The following ATN1 variants were observed in gnomAD, a reference collection of about 807,000 sequenced individuals.
The protein encoded by ATN1 is atrophin-1.
In ATN1, 19 loss-of-function variants were observed where a neutral mutation model predicts 85.8. That is an observed-to-expected ratio of 0.22 (90% CI 0.15 to 0.32). The LOEUF (loss-of-function observed/expected upper bound fraction) is 0.32. ATN1 is among the 10% of genes least tolerant of loss of function. ATN1 has a pLI of 1.00. For missense variants in ATN1, 1,453 were observed against 1,564.5 expected, an observed-to-expected ratio of 0.93 and a Z score of 1.20; for synonymous variants, 674 against 657.0, an observed-to-expected ratio of 1.03 and a Z score of -0.39.
chr12:6,937,524 G>T lies in ATN1; in HGVS notation c.2257G>T (p.Val753Leu), dbSNP rs1945566267. 3 of 1,534,908 alleles carry T rather than the reference G, an allele frequency of 2.0e-6. No individual in the cohort carries two copies. The highest frequency in any genetic ancestry group is 2.6e-6 in the Non-Finnish European group (3 of 1,142,196). The change falls in exon 5 of 10, where the codon GTG (valine) becomes TTG (leucine). Residue 753 changes from valine to leucine, a missense_variant. Physicochemically the swap from Val to Leu is conservative, Grantham distance 32 (BLOSUM62 1). Transcript: ENST00000396684. This position sits in a 1 kb window ranked among gnomAD's most constrained non-coding sequence, Gnocchi z 6.0. ...PARSPSPPPK[V>L]VDVPSHASQS... ...CCGCAGCCCCTCGCCCCCTCCCAAG[G>T]TGGTAGATGTACCCAGCCATGCCAG...
chr12:6,937,759 T>A lies in ATN1; in HGVS notation c.2295-86T>A. The A allele has an allele frequency of 6.8e-7, 1 of 1,464,892 alleles. No homozygotes were observed. The highest frequency in any genetic ancestry group is 9.0e-7 in the Non-Finnish European group (1 of 1,110,552). The allele number at this position is 1,464,892 out of a possible 1,614,324, so 90.7% of individuals were successfully genotyped here. On this transcript the variant is annotated intron_variant, in intron 5 of 9. Coordinates refer to ENST00000396684, the MANE Select transcript of ATN1 (RefSeq NM_001940.4). This position sits in a 1 kb window ranked among gnomAD's most constrained non-coding sequence, Gnocchi z 6.0. ...GCAGGGGTGGTTTTGAGGCGGGGGC[T>A]ACAAGCACTCGCCGGGGCCGCGGCG... is the stretch of plus-strand genomic sequence containing the variant.
chr12:6,936,838 C>T lies in ATN1; in HGVS notation c.1571C>T (p.Ser524Phe), dbSNP rs1555143817. Residue 524 changes from serine to phenylalanine, a missense_variant, in exon 5 of 10, where the codon TCC becomes TTC. By Grantham distance (155) the Ser-to-Phe change is radical. Coordinates refer to ENST00000396684, the MANE Select transcript of ATN1 (RefSeq NM_001940.4). Reference protein sequence around the residue: ...AFPHPLEGGSSHHAHPYAMSP... With the variant: ...AFPHPLEGGSFHHAHPYAMSP... ...CCCCACCCACTGGAGGGCGGTAGCT[C>T]CCACCACGCACACCCTTACGCCATG... 1.2e-6 allele frequency: 2 copies of T among 1,614,000 alleles called. No homozygotes were observed. The highest frequency in any genetic ancestry group is 1.7e-5 in the Admixed American group (1 of 60,020).
At position 6,937,842 on chromosome 12, in the gene ATN1, C is replaced by T. The variant is rs782625945; in HGVS notation, c.2295-3C>T. 5 of 1,556,302 alleles carry T rather than the reference C, an allele frequency of 3.2e-6. No individual in the cohort carries two copies. Among genetic ancestry groups the T allele is most frequent in the Admixed American group, 1.9e-5 (1 of 51,286 alleles). On this transcript the variant is annotated splice_polypyrimidine_tract_variant and splice_region_variant and intron_variant, in intron 5 of 9. Coordinates refer to ENST00000396684, the MANE Select transcript of ATN1 (RefSeq NM_001940.4). The surrounding 1 kb of genome is among the most constrained non-coding windows in gnomAD (Gnocchi z 6.0). ...GAGCGCCCGCTGCTTCCACGCCCGGCAGGTTCAACAAACACCTGGATCGCG... is the reference window on the plus strand; with the variant it reads ...GAGCGCCCGCTGCTTCCACGCCCGGTAGGTTCAACAAACACCTGGATCGCG...
intron 1 of ATN1, 108 bp from the exon 2 acceptor site, chr12:6,933,732 C>T: frequency 1.8e-6 from 1 of 557,934 alleles, no homozygotes; most frequent in Admixed American, 3.1e-5. Flanking sequence ...ACCTCTTGGC[C>T]CAAAGGCTTA....
At chr12:6,927,663 C>A (rs970468346), upstream of ATN1, among the ~76,000 whole-genome samples, 2 of 151,824 alleles carry the variant, frequency 1.3e-5, no homozygotes, top group South Asian at 4.2e-4. Flanking sequence ...CCTCTCTCCC[C>A]CCTCGCGGCT....
rs1269428414 is a variant in ATN1 at position 6,935,507 on chromosome 12, GAAAGGA to G, written c.280-35_280-30del. ...AGAGCCCCAAATCTCAGGGAAGCAG[GAAAGGA>G]AAAGAGAAAAAATGAGTCTTCCCTT... is the stretch of plus-strand genomic sequence containing the variant. On this transcript the variant is annotated intron_variant, in intron 4 of 9. Transcript: ENST00000396684. This position sits in a 1 kb window ranked among gnomAD's most constrained non-coding sequence, Gnocchi z 5.3. 1 of 1,589,940 alleles carries G rather than the reference GAAAGGA, an allele frequency of 6.3e-7. No homozygotes were observed. Among genetic ancestry groups the G allele is most frequent in the Non-Finnish European group, 8.6e-7 (1 of 1,167,450 alleles).
chr12:6,940,820 A>G (rs1945623675), intron 7 of ATN1, 60 bp from the exon 8 acceptor site: 13 of 1,607,096 alleles, frequency 8.1e-6, no homozygotes, highest in Admixed American at 1.7e-5. Context: ...CCTTCACCCA[A>G]ATGCATGGTT....
chr12:6,929,571 T>C (rs781974861), intron 1 of ATN1, among the ~76,000 whole-genome samples: 2 of 152,186 alleles, frequency 1.3e-5, no homozygotes, highest in Non-Finnish European at 2.9e-5. Flanking sequence ...GAATGTTTAT[T>C]GGACCTCAGC....
In ATN1 at chr12:6,939,035, G is replaced by C; in HGVS notation, c.3072G>C (p.Glu1024Asp). Residue 1024 changes from glutamate (E) to aspartate (D), a missense_variant, in exon 7 of 10, where the codon GAG (glutamate) becomes GAC (aspartate). By Grantham distance (45) the Glu-to-Asp change is conservative (BLOSUM62 2). Transcript: ENST00000396684. Reference sequence around the variant, plus strand: ...CCTATGCTGAGCGGCTGGCAGCTGAGAGGCAGCACGCAGAAAGGGTGGCGG... The same window carrying C: ...CCTATGCTGAGCGGCTGGCAGCTGACAGGCAGCACGCAGAAAGGGTGGCGG... ...DMSYAERLAA[E>D]RQHAERVAAL... is the part of the protein sequence containing the mutation. 2 of 1,608,992 alleles carry C rather than the reference G, an allele frequency of 1.2e-6. No individual in the cohort carries two copies. The highest frequency in any genetic ancestry group is 1.7e-6 in the Non-Finnish European group (2 of 1,179,998).
chr12:6,932,034 C>CAAAAA (rs34374667), intron 1 of ATN1, among the ~76,000 whole-genome samples: 2 of 50,678 alleles, frequency 3.9e-5, no homozygotes, highest in African/African-American at 7.0e-5. Flanking sequence ...AACTCTGTCT[C>CAAAAA]AAAAAAAAAA....
At position 6,928,218 on chromosome 12, in the gene ATN1, T is replaced by A. The variant is rs868969421; in HGVS notation, c.-329T>A. 1.5e-4 allele frequency: 3 copies of A among 19,984 alleles called. No individual in the cohort carries two copies. In the Admixed American group the frequency reaches 1.9e-3, roughly 13 times the overall value. The allele number at this position is 19,984 out of a possible 1,614,324, so 1.2% of individuals were successfully genotyped here. A position where few individuals can be genotyped will look rare whatever the true frequency, so the allele number is the denominator to read the frequency against. On this transcript the variant is annotated 5_prime_UTR_variant, in exon 1 of 10. The change abolishes an upstream ATG in the 5' untranslated region. Transcript: ENST00000396684. ...GGGGCCAGGCGGGGAAAAGGGGGGA[T>A]GGGGGCCGCCCTCCGGGGGGGTCGG... is the stretch of plus-strand genomic sequence containing the variant.
chr12:6,936,736 AG>A lies in ATN1; in HGVS notation c.1470del (p.Gln490HisfsTer50), dbSNP rs782666226. ...HHHHQQQQQQ[Q>X]QQQQQQQQQQ... ...CACCACCAGCAACAGCAACAGCAGC[AG>A]CAGCAGCAGCAGCAGCAGCAGCAGC... is the stretch of plus-strand genomic sequence containing the variant. On this transcript the variant is annotated frameshift_variant, in exon 5 of 10. Transcript: ENST00000396684. LOFTEE classifies it high-confidence loss of function. 10 of 839,992 alleles carry A rather than the reference AG, an allele frequency of 1.2e-5. No homozygotes were observed. The East Asian group carries it at 3.3e-4, about 28-fold the overall frequency. 52.0% of individuals were successfully genotyped at this position (839,992 alleles called of 1,614,324 possible).
In ATN1 at chr12:6,937,813, G is replaced by A. The variant is rs782692438; in HGVS notation, c.2295-32G>A. 1 of 1,523,596 alleles carries A rather than the reference G, an allele frequency of 6.6e-7. No individual in the cohort carries two copies. The highest frequency in any genetic ancestry group is 8.8e-7 in the Non-Finnish European group (1 of 1,134,068). The allele number at this position is 1,523,596 out of a possible 1,614,324, so 94.4% of individuals were successfully genotyped here. A position where few individuals can be genotyped will look rare whatever the true frequency, so the allele number is the denominator to read the frequency against. On this transcript the variant is annotated intron_variant, in intron 5 of 9. Coordinates refer to ENST00000396684, the MANE Select transcript of ATN1 (RefSeq NM_001940.4). The surrounding 1 kb of genome is among the most constrained non-coding windows in gnomAD (Gnocchi z 6.0). ...CGGGCTCCATCGGGCAGCTCGCACC[G>A]CCTGAGCGCCCGCTGCTTCCACGCC...
chr12:6,937,865 G>A lies in ATN1; in HGVS notation c.2315G>A (p.Arg772His). 6.3e-7 allele frequency: 1 copy of A among 1,582,722 alleles called. No homozygotes were observed. Among genetic ancestry groups the A allele is most frequent in the Non-Finnish European group, 8.6e-7 (1 of 1,165,432 alleles). The change falls in exon 6 of 10, where the codon CGC becomes CAC. Residue 772 changes from arginine (R) to histidine (H), a missense_variant. This residue lies in a region of ATN1 where 990 missense variants were observed against 914.8 expected (regional missense o/e 1.08). Transcript: ENST00000396684. This position sits in a 1 kb window ranked among gnomAD's most constrained non-coding sequence, Gnocchi z 6.0. ...QSARFNKHLD[R>H]GFNSCARSDL... The stretch of plus-strand genomic sequence containing the variant: ...GGCAGGTTCAACAAACACCTGGATC[G>A]CGGCTTCAACTCGTGCGCGCGCAGC...
In ATN1 at chr12:6,941,647, G is replaced by A. The variant is rs1945636773; in HGVS notation, c.3539+93G>A. 3.8e-6 allele frequency: 6 copies of A among 1,595,422 alleles called. No homozygotes were observed. In the Admixed American group the frequency reaches 8.4e-5, roughly 22 times the overall value. ...ACGGCTGGGCACCGTGCTCCTGGGG[G>A]AGGGAACCCCTCCTCTCCCAACCCC... On this transcript the variant is annotated intron_variant, in intron 9 of 9. Coordinates refer to ENST00000396684, the MANE Select transcript of ATN1 (RefSeq NM_001940.4). This position sits in a 1 kb window ranked among gnomAD's most constrained non-coding sequence, Gnocchi z 5.9.
chr12:6,941,159 A>AGCTG lies in ATN1; in HGVS notation c.3358+138_3358+141dup. 7.8e-7 allele frequency: 1 copy of AGCTG among 1,281,196 alleles called. No individual in the cohort carries two copies. The highest frequency in any genetic ancestry group is 1.1e-6 in the Non-Finnish European group (1 of 943,036). 79.4% of individuals were successfully genotyped at this position (1,281,196 alleles called of 1,614,324 possible). A position where few individuals can be genotyped will look rare whatever the true frequency, so the allele number is the denominator to read the frequency against. The stretch of plus-strand genomic sequence containing the variant: ...GAGGAGCTGGGCATGGGAATAGGAG[A>AGCTG]GCTGGAGCTCTGCCCAAGAGAAGCA... On this transcript the variant is annotated intron_variant, in intron 8 of 9. Coordinates refer to ENST00000396684, the MANE Select transcript of ATN1 (RefSeq NM_001940.4). This position sits in a 1 kb window ranked among gnomAD's most constrained non-coding sequence, Gnocchi z 5.9.
intron 1 of ATN1, among the ~76,000 whole-genome samples, chr12:6,930,603 G>A (rs1231829787): frequency 6.6e-6 from 1 of 152,066 alleles, no homozygotes; most frequent in African/African-American, 2.4e-5. Flanking sequence ...AGACCATCCT[G>A]GCTAACACGG....
chr12:6,938,990 A>C lies in ATN1; in HGVS notation c.3027A>C (p.Pro1009=). 1 of 1,612,998 alleles carries C rather than the reference A, an allele frequency of 6.2e-7. No homozygotes were observed. The highest frequency in any genetic ancestry group is 1.6e-4 in the Middle Eastern group (1 of 6,062). Residue 1009 remains proline (P), a synonymous_variant, in exon 7 of 10, where the codon CCA becomes CCC. Transcript: ENST00000396684. ...ERERLALAAG[P]ALRPDMSYAE... is the part of the protein sequence containing the mutation. ...AACGTCTAGCGCTGGCAGCTGGGCC[A>C]GCCCTGCGGCCTGACATGTCCTATG...
upstream of ATN1, among the ~76,000 whole-genome samples, chr12:6,925,994 CCT>C (rs1212607790): frequency 6.6e-6 from 1 of 152,232 alleles, no homozygotes; most frequent in African/African-American, 2.4e-5. Context: ...CAAAAATCAC[CCT>C]GTGTCCTTTG....
Sources: allele counts gnomAD v4.1 joint callset (sites outside exome capture counted in the v4.1 genomes callset), GRCh38; gene constraint gnomAD v4.1.1; regional missense constraint gnomAD v4.1.1; non-coding constraint Gnocchi (gnomAD v3.1); transcripts MANE v1.5; gene names NCBI Gene and HGNC (gene_info 2026-07-23, HGNC 2026-07-21).